NSD2: variants seen among roughly 807,000 people sequenced by gnomAD.
NSD2 encodes nuclear receptor binding SET domain protein 2, also known as histone-lysine N-methyltransferase NSD2.
In NSD2, 12 loss-of-function variants were observed where a neutral mutation model predicts 139.0. The observed-to-expected ratio is 0.09, with a 90% CI of 0.06 to 0.14. The LOEUF is 0.14. Among genes scored for constraint, NSD2 ranks in the 10% least tolerant of loss-of-function variants. The pLI, the probability that NSD2 is intolerant of heterozygous loss-of-function variation, is 1.00. For missense variants in NSD2, 1,155 were observed against 1,745.0 expected, an observed-to-expected ratio of 0.66 and a Z score of 6.02; for synonymous variants, 669 against 648.7, an observed-to-expected ratio of 1.03 and a Z score of -0.48.
In NSD2 at chr4:1,951,350, C is replaced by G. The variant is rs961883707; in HGVS notation, c.2013+147C>G. The G allele has an allele frequency of 9.8e-6, 11 of 1,121,096 alleles. No individual in the cohort carries two copies. In the South Asian group the frequency reaches 1.4e-4, roughly 14 times the overall value. The allele number at this position is 1,121,096 out of a possible 1,614,324, so 69.4% of individuals were successfully genotyped here. On this transcript the variant is annotated intron_variant, in intron 10 of 21. Transcript: ENST00000508803. ...TCACTCATCTCTGTTTTGAAGGGGT[C>G]AGACTGACTCTCAGTGGAATCCTGG...
In NSD2 at chr4:1,981,299, G is replaced by A. The variant is rs570288174; in HGVS notation, c.*2390G>A. On this transcript the variant is annotated 3_prime_UTR_variant, in exon 22 of 22. Coordinates refer to ENST00000508803, the MANE Select transcript of NSD2 (RefSeq NM_001042424.3). ...CAGTGGAGCCAGGCTTTGGGGTAGC[G>A]GCCCTGAGCTTGCAGGGTTTCTCGC... 3.4e-5 allele frequency: 8 copies of A among 233,362 alleles called. No individual in the cohort carries two copies. Among genetic ancestry groups the A allele is most frequent in the African/African-American group, 6.6e-5 (3 of 45,466 alleles). 14.5% of individuals were successfully genotyped at this position (233,362 alleles called of 1,614,324 possible).
chr4:1,879,532 T>A lies in NSD2; in HGVS notation c.-30+7990T>A, dbSNP rs150594890. Among the ~76,000 whole-genome samples, 103 of 152,276 alleles carry A rather than the reference T, an allele frequency of 6.8e-4. 1 individual carries two copies. Among genetic ancestry groups the A allele is most frequent in the African/African-American group, 2.0e-3 (82 of 41,570 alleles). On this transcript the variant is annotated intron_variant, in intron 1 of 21. Coordinates refer to ENST00000508803, the MANE Select transcript of NSD2 (RefSeq NM_001042424.3). ...CCGCGCCTGGCCTACACACATTTTTTAAAAAATGTGTATTTTTTCTTTCCT... is the reference window on the plus strand; with the variant it reads ...CCGCGCCTGGCCTACACACATTTTTAAAAAAATGTGTATTTTTTCTTTCCT...
At chr4:1,900,591 T>G in intron 1 of NSD2, 35 bp from the exon 2 acceptor site, 1 of 1,423,604 alleles carries the variant, frequency 7.0e-7, no homozygotes, top group Non-Finnish European at 9.4e-7. Flanking sequence ...ATGTAATTGC[T>G]TTTTCTTTCT....
intron 1 of NSD2, among the ~76,000 whole-genome samples, chr4:1,891,165 A>T (rs1405429910): frequency 6.6e-6 from 1 of 152,182 alleles, no homozygotes; most frequent in African/African-American, 2.4e-5. Flanking sequence ...TAGTACTGAG[A>T]TTACAGGTGT....
intron 1 of NSD2, among the ~76,000 whole-genome samples, chr4:1,884,268 G>A (rs187501518): frequency 4.6e-5 from 7 of 151,924 alleles, no homozygotes; most frequent in Admixed American, 3.3e-4. Flanking sequence ...GCTAATTTTT[G>A]TATTTCTTGT....
intron 9 of NSD2, chr4:1,947,596 G>A (rs1723765656): frequency 9.5e-7 from 1 of 1,053,968 alleles, no homozygotes; most frequent in Non-Finnish European, 1.1e-6. Context: ...ACATTTTACT[G>A]TGCTGTTAAC....
chr4:1,938,185 G>C (rs1305815004), intron 7 of NSD2, among the ~76,000 whole-genome samples: 1 of 152,134 alleles, frequency 6.6e-6, no homozygotes, highest in African/African-American at 2.4e-5. Context: ...CCTGACAGAT[G>C]CGAGAGCGGG....
chr4:1,877,636 T>G (rs141116289), intron 1 of NSD2, among the ~76,000 whole-genome samples: 2 of 152,172 alleles, frequency 1.3e-5, no homozygotes, highest in Non-Finnish European at 2.9e-5. Flanking sequence ...CCTGCCTGTT[T>G]TGGGAGGCTC....
chr4:1,886,453 C>T (rs1466007652), intron 1 of NSD2, among the ~76,000 whole-genome samples: 1 of 152,208 alleles, frequency 6.6e-6, no homozygotes, highest in Non-Finnish European at 1.5e-5. Flanking sequence ...GTGATTCACT[C>T]ATCTTGGCCT....
rs1347804672 is a variant in NSD2 at position 1,927,942 on chromosome 4, T to A, written c.1411-2684T>A. 5.3e-5 allele frequency among the ~76,000 whole-genome samples: 8 copies of A among 152,060 alleles called. 1 individual carries two copies. The highest frequency in any genetic ancestry group is 5.2e-4 in the Admixed American group (8 of 15,254). On this transcript the variant is annotated intron_variant, in intron 5 of 21. Transcript: ENST00000508803. ...AATCTTACTGTTTCCCAGGCTGGAATGCAGTGGTGCAATCATAGGTCACTG... is the reference window on the plus strand; with the variant it reads ...AATCTTACTGTTTCCCAGGCTGGAAAGCAGTGGTGCAATCATAGGTCACTG...
intron 9 of NSD2, among the ~76,000 whole-genome samples, chr4:1,949,524 A>G (rs1312065589): frequency 6.6e-6 from 1 of 152,220 alleles, no homozygotes; most frequent in Non-Finnish European, 1.5e-5. Context: ...GCACTTTGGG[A>G]GGCCAAGGCG....
chr4:1,872,585 T>TGC, intron 1 of NSD2, among the ~76,000 whole-genome samples: 1 of 56,590 alleles, frequency 1.8e-5, no homozygotes, highest in African/African-American at 5.6e-5. Flanking sequence ...TGTGTGTGTG[T>TGC]GTGTGTGAGA....
Position 1,955,510 on chromosome 4 carries a change from G to A in NSD2, c.2518+170G>A, listed in dbSNP as rs988981932. ...GCTCTAAATTAATTGTAATCATTTCGCAAACATACAGGAAATTATTTGTGG... is the reference window on the plus strand; with the variant it reads ...GCTCTAAATTAATTGTAATCATTTCACAAACATACAGGAAATTATTTGTGG... On this transcript the variant is annotated intron_variant, in intron 13 of 21. Coordinates refer to ENST00000508803, the MANE Select transcript of NSD2 (RefSeq NM_001042424.3). This position sits in a 1 kb window ranked among gnomAD's most constrained non-coding sequence, Gnocchi z 4.7. 11 of 1,229,638 alleles carry A rather than the reference G, an allele frequency of 8.9e-6. No homozygotes were observed. The highest frequency in any genetic ancestry group is 7.7e-5 in the East Asian group (3 of 38,918). 76.2% of individuals were successfully genotyped at this position (1,229,638 alleles called of 1,614,324 possible).
chr4:1,872,711 C>T (rs781137263), intron 1 of NSD2, among the ~76,000 whole-genome samples: 66 of 151,082 alleles, frequency 4.4e-4, no homozygotes, highest in Non-Finnish European at 8.5e-4. Flanking sequence ...TCAGTGCTAC[C>T]CACCTGCTTC....
At chr4:1,930,492 C>G in intron 5 of NSD2, 134 bp from the exon 6 acceptor site, 1 of 927,648 alleles carries the variant, frequency 1.1e-6, no homozygotes, top group African/African-American at 1.7e-5. Context: ...CTTTTATGGA[C>G]ATAGTTCCAC....
intron 3 of NSD2, among the ~76,000 whole-genome samples, chr4:1,910,907 C>T (rs1446994112): frequency 6.6e-6 from 1 of 152,142 alleles, no homozygotes; most frequent in Non-Finnish European, 1.5e-5. Context: ...TCCCAGGGAG[C>T]TCTGTGGTCT....
chr4:1,871,658 G>A (rs1262739306), intron 1 of NSD2, 116 bp downstream of exon 1: 6 of 148,920 alleles, frequency 4.0e-5, no homozygotes, highest in Non-Finnish European at 7.5e-5. Flanking sequence ...GCCTGAGGGG[G>A]CGGGAGCGCC....
chr4:1,898,665 A>AAAAAAC (rs1716734549), intron 1 of NSD2, among the ~76,000 whole-genome samples: 1 of 149,588 alleles, frequency 6.7e-6, no homozygotes, highest in Non-Finnish European at 1.5e-5. Context: ...GTCTAAAAAA[A>AAAAAAC]AAAAAACAAA....
intron 3 of NSD2, among the ~76,000 whole-genome samples, chr4:1,909,042 T>A (rs1408590973): frequency 6.6e-6 from 1 of 152,088 alleles, no homozygotes; most frequent in Non-Finnish European, 1.5e-5. Context: ...TTAGTTGTCA[T>A]TTTTCTATGA....
Sources: allele counts gnomAD v4.1 joint callset (sites outside exome capture counted in the v4.1 genomes callset), GRCh38; gene constraint gnomAD v4.1.1; non-coding constraint Gnocchi (gnomAD v3.1); transcripts MANE v1.5; gene names NCBI Gene and HGNC (gene_info 2026-07-23, HGNC 2026-07-21).